TBC1D8: variants seen among roughly 807,000 people sequenced by gnomAD.
TBC1D8 encodes the protein TBC1 domain family member 8, also known as BUB2-like protein 1.
In TBC1D8, 65 loss-of-function variants were observed where a neutral mutation model predicts 118.8. The ratio of observed to expected loss-of-function variants is 0.55; its 90% CI spans 0.45 to 0.67. TBC1D8 has a LOEUF of 0.67. TBC1D8 is among the 30% of genes least tolerant of loss of function. The pLI, the probability that TBC1D8 is intolerant of heterozygous loss-of-function variation, is 0.00. For missense variants in TBC1D8, 1,376 were observed against 1,471.2 expected, an observed-to-expected ratio of 0.94 and a Z score of 1.06; for synonymous variants, 566 against 595.8, an observed-to-expected ratio of 0.95 and a Z score of 0.73.
intron 1 of TBC1D8, among the ~76,000 whole-genome samples, chr2:101,131,508 C>G (rs186619024): frequency 2.0e-5 from 3 of 149,942 alleles, no homozygotes; most frequent in African/African-American, 4.9e-5. Context: ...AGCGAAACTC[C>G]GTTTCAAAAA....
chr2:101,074,286 G>A (rs539598332), intron 2 of TBC1D8, among the ~76,000 whole-genome samples: 3 of 152,232 alleles, frequency 2.0e-5, no homozygotes, highest in African/African-American at 7.2e-5. Context: ...TAAGTTCATC[G>A]TCTTACATGG....
chr2:101,134,775 G>A (rs947550063), intron 1 of TBC1D8, among the ~76,000 whole-genome samples: 6 of 152,214 alleles, frequency 3.9e-5, no homozygotes, highest in Non-Finnish European at 8.8e-5. Flanking sequence ...AATTTAGGGG[G>A]CAGGGGGACA....
At position 101,032,282 on chromosome 2, in the gene TBC1D8, T is replaced by C. The variant is rs1356078671; in HGVS notation, c.1922A>G (p.Asn641Ser). 1 of 1,613,598 alleles carries C rather than the reference T, an allele frequency of 6.2e-7. No homozygotes were observed. Among genetic ancestry groups the C allele is most frequent in the African/African-American group, 1.3e-5 (1 of 74,850 alleles). Residue 641 changes from asparagine (N) to serine (S), a missense_variant, in exon 11 of 20, where the codon AAC becomes AGC. By Grantham distance (46) the Asn-to-Ser change is conservative (BLOSUM62 1). Coordinates refer to ENST00000409318, the MANE Select transcript of TBC1D8 (RefSeq NM_001330348.2). The stretch of plus-strand genomic sequence containing the variant: ...GGTCTGTTTACCGATCACTCGGTGG[T>C]TGAAGTAATCGGGCAGCATCCGCTC... ...VCERMLPDYF[N>S]HRVIGAQVDQ...
intron 1 of TBC1D8, among the ~76,000 whole-genome samples, chr2:101,140,183 C>A (rs1297503242): frequency 6.6e-6 from 1 of 151,946 alleles, no homozygotes; most frequent in Non-Finnish European, 1.5e-5. Context: ...TCACAGAACC[C>A]CTCTTTAAAG....
intron 5 of TBC1D8, among the ~76,000 whole-genome samples, chr2:101,046,713 A>G (rs750322409): frequency 6.6e-6 from 1 of 152,130 alleles, no homozygotes; most frequent in East Asian, 1.9e-4. Flanking sequence ...AAGGCCAAAG[A>G]GGGTCTGCAA....
At chr2:101,034,770 T>G (rs1467775767) in intron 9 of TBC1D8, among the ~76,000 whole-genome samples, 3 of 152,230 alleles carry the variant, frequency 2.0e-5, no homozygotes, top group Admixed American at 6.5e-5. Flanking sequence ...CTCCATGCCT[T>G]TATTTTTCAA....
intron 1 of TBC1D8, among the ~76,000 whole-genome samples, chr2:101,102,205 G>A (rs571332277): frequency 3.9e-5 from 6 of 152,310 alleles, no homozygotes; most frequent in East Asian, 1.9e-4. Flanking sequence ...TGTAATCCCA[G>A]TACTTTGGGA....
In TBC1D8 at chr2:101,058,049, C is replaced by T. The variant is rs544534612; in HGVS notation, c.402+1372G>A. On this transcript the variant is annotated intron_variant, in intron 3 of 19. Coordinates refer to ENST00000409318, the MANE Select transcript of TBC1D8 (RefSeq NM_001330348.2). ...CTACAACTTGCATTAGACCAAGAAA[C>T]GCAGGGTAAGTGTGAAAAATAGTGC... is the stretch of plus-strand genomic sequence containing the variant. Among the ~76,000 whole-genome samples, 3 of 152,236 alleles carry T rather than the reference C, an allele frequency of 2.0e-5. No homozygotes were observed. In the South Asian group the frequency reaches 6.2e-4, roughly 32 times the overall value.
intron 1 of TBC1D8, among the ~76,000 whole-genome samples, chr2:101,095,078 A>G (rs1452206090): frequency 6.6e-6 from 1 of 151,998 alleles, no homozygotes; most frequent in African/African-American, 2.4e-5. Context: ...TCTCTAGGGT[A>G]CCCCACAACT....
At chr2:101,054,470 C>G in intron 3 of TBC1D8, 134 bp from the exon 4 acceptor site, 1 of 820,900 alleles carries the variant, frequency 1.2e-6, no homozygotes, top group South Asian at 1.7e-5. Flanking sequence ...GACAGACACA[C>G]CTGACGAGGA....
At chr2:101,098,785 A>G (rs1325532430) in intron 1 of TBC1D8, among the ~76,000 whole-genome samples, 1 of 152,206 alleles carries the variant, frequency 6.6e-6, no homozygotes, top group East Asian at 1.9e-4. Context: ...TTATGAAATT[A>G]CAGCAGAAAT....
chr2:101,054,027 C>T, intron 4 of TBC1D8, 81 bp downstream of exon 4: 1 of 1,284,188 alleles, frequency 7.8e-7, no homozygotes, highest in Non-Finnish European at 1.1e-6. Context: ...CCAACTCTTC[C>T]TGTTAACGGC....
chr2:101,134,190 C>T (rs982681414), intron 1 of TBC1D8, among the ~76,000 whole-genome samples: 1 of 94,470 alleles, frequency 1.1e-5, no homozygotes. Flanking sequence ...CTCTCTCTCT[C>T]TCTCTCTCAC....
Position 101,050,655 on chromosome 2 carries a change from G to C in TBC1D8, c.632-14C>G. 1.2e-6 allele frequency: 2 copies of C among 1,610,966 alleles called. No individual in the cohort carries two copies. The highest frequency in any genetic ancestry group is 1.7e-6 in the Non-Finnish European group (2 of 1,179,030). ...CCACAAGTTTAACTGTAAGAGAAAA[G>C]GGTGAAATACCTATTATGCCATGAA... On this transcript the variant is annotated splice_polypyrimidine_tract_variant and intron_variant, in intron 4 of 19. Transcript: ENST00000409318.
chr2:101,133,684 T>C (rs1398303041), intron 1 of TBC1D8, among the ~76,000 whole-genome samples: 3 of 152,114 alleles, frequency 2.0e-5, no homozygotes, highest in African/African-American at 4.8e-5. Context: ...CATAACCTAA[T>C]CACCTCCAAG....
intron 2 of TBC1D8, among the ~76,000 whole-genome samples, chr2:101,062,067 G>A (rs993437287): frequency 6.6e-6 from 1 of 152,186 alleles, no homozygotes; most frequent in Non-Finnish European, 1.5e-5. Flanking sequence ...CCTGTTCAGT[G>A]CTCCCAGGTG....
intron 3 of TBC1D8, among the ~76,000 whole-genome samples, chr2:101,055,400 T>G (rs1682363418): frequency 6.6e-6 from 1 of 151,930 alleles, no homozygotes; most frequent in Non-Finnish European, 1.5e-5. Context: ...AAAGTTAGTC[T>G]TTTGAGAAAA....
At position 101,040,198 on chromosome 2, in the gene TBC1D8, T is replaced by C. The variant is rs1416307100; in HGVS notation, c.1060A>G (p.Ile354Val). 4.3e-6 allele frequency: 7 copies of C among 1,613,856 alleles called. No homozygotes were observed. Among genetic ancestry groups the C allele is most frequent in the Non-Finnish European group, 5.9e-6 (7 of 1,179,886 alleles). ...FASREDGCCK[I>V]ILPLREVVSI... ...TCTACCTCTCTGAGTGGCAGGATGA[T>C]CTTACAGCAGCCATCTTCTCTGCTG... Residue 354 changes from isoleucine (I) to valine (V), a missense_variant, in exon 6 of 20, where the codon ATC becomes GTC. By Grantham distance (29) the Ile-to-Val change is conservative. Coordinates refer to ENST00000409318, the MANE Select transcript of TBC1D8 (RefSeq NM_001330348.2).
At chr2:101,103,663 A>AT (rs1225007573) in intron 1 of TBC1D8, among the ~76,000 whole-genome samples, 1 of 152,130 alleles carries the variant, frequency 6.6e-6, no homozygotes, top group Non-Finnish European at 1.5e-5. Context: ...AAGTGCTGGG[A>AT]TTACAGGCGT....
Sources: gnomAD v4.1 joint callset for allele counts (sites outside exome capture counted in the v4.1 genomes callset) on GRCh38, gnomAD v4.1.1 for gene constraint, MANE v1.5 for transcripts, NCBI Gene and HGNC (gene_info 2026-07-23, HGNC 2026-07-21) for gene names.